The following BTF3 variants were observed in gnomAD, a reference collection of about 807,000 sequenced individuals.
BTF3 encodes the protein basic transcription factor 3.
Under a neutral mutation model 23.9 loss-of-function variants are expected in BTF3, and 12 were observed. The ratio of observed to expected loss-of-function variants is 0.50; its 90% CI spans 0.32 to 0.81. BTF3 has a LOEUF of 0.81. BTF3 is among the 40% of genes least tolerant of loss of function. The pLI is 0.03. For missense variants in BTF3, 215 were observed against 255.9 expected (o/e 0.84, Z 1.09); for synonymous variants, 96 against 94.8 (o/e 1.01, Z -0.07).
intron 4 of BTF3, 124 bp downstream of exon 4, chr5:73,503,241 T>C (rs1232877665): frequency 2.0e-6 from 2 of 1,004,164 alleles, no homozygotes; most frequent in Non-Finnish European, 1.5e-6. Context: ...AAATAACAGA[T>C]TTGTAACTGA....
chr5:73,502,357 TAA>T (rs1404036858), intron 2 of BTF3, 129 bp from the exon 3 acceptor site: 1 of 605,252 alleles, frequency 1.7e-6, no homozygotes, highest in Non-Finnish European at 2.7e-6. Context: ...GCTCACTGCA[TAA>T]GTTTATGATT....
At chr5:73,504,764 GAT>G (rs531381719) in intron 5 of BTF3, 2 of 212,240 alleles carry the variant, frequency 9.4e-6, no homozygotes, top group Non-Finnish European at 9.2e-6. Context: ...GGTATCTTGG[GAT>G]ATATATATGC....
intron 5 of BTF3, among the ~76,000 whole-genome samples, 190 bp from the exon 6 acceptor site, chr5:73,505,002 A>G (rs1305946379): frequency 6.7e-6 from 1 of 149,928 alleles, no homozygotes; most frequent in Non-Finnish European, 1.5e-5. Context: ...ACTATTGACC[A>G]ATGTATGAGA....
At chr5:73,503,664 G>A (rs962048444) in intron 4 of BTF3, among the ~76,000 whole-genome samples, 10 of 152,228 alleles carry the variant, frequency 6.6e-5, no homozygotes, top group Admixed American at 5.9e-4. Context: ...GAGGAAGTCA[G>A]AGGCTTATAT....
At chr5:73,505,115 T>G in intron 5 of BTF3, 77 bp from the exon 6 acceptor site, 1 of 1,182,914 alleles carries the variant, frequency 8.5e-7, no homozygotes. Context: ...ATGTCTTTCC[T>G]TCATCCCCTT....
At chr5:73,504,252 G>A in intron 4 of BTF3, 95 bp from the exon 5 acceptor site, 1 of 800,756 alleles carries the variant, frequency 1.2e-6, no homozygotes. Flanking sequence ...AACAACACTT[G>A]GCATTTCATC....
intron 5 of BTF3, 139 bp from the exon 6 acceptor site, chr5:73,505,052 TG>T: frequency 4.4e-5 from 30 of 680,802 alleles, no homozygotes; most frequent in South Asian, 9.4e-5. Flanking sequence ...TTTTTTTTTT[TG>T]CATTCTTGTT....
At chr5:73,498,893 G>T in intron 1 of BTF3, 94 bp downstream of exon 1, 1 of 1,463,648 alleles carries the variant, frequency 6.8e-7, no homozygotes. Context: ...CTGGCCAGGC[G>T]TGGGGTAGAG....
chr5:73,499,789 T>C (rs935001867), intron 2 of BTF3: 2 of 166,630 alleles, frequency 1.2e-5, no homozygotes, highest in African/African-American at 4.8e-5. Flanking sequence ...AATGATCAGT[T>C]TTTGATTAAT....
At chr5:73,501,709 A>G (rs772708188) in intron 2 of BTF3, among the ~76,000 whole-genome samples, 2 of 152,174 alleles carry the variant, frequency 1.3e-5, no homozygotes, top group African/African-American at 4.8e-5. Context: ...CAGGAGTGGC[A>G]TATTAAGGGC....
intron 2 of BTF3, among the ~76,000 whole-genome samples, chr5:73,502,201 G>A (rs1746453776): frequency 6.6e-6 from 1 of 151,350 alleles, no homozygotes; most frequent in Admixed American, 6.6e-5. Flanking sequence ...AATAATTCTG[G>A]ATGTGGAATT....
intron 1 of BTF3, 58 bp from the exon 2 acceptor site, chr5:73,499,076 G>A: frequency 1.3e-6 from 2 of 1,512,270 alleles, no homozygotes; most frequent in South Asian, 2.4e-5. Flanking sequence ...GAAATAACGA[G>A]CATGGAATGC....
rs1746470491 is a variant in BTF3, at chr5:73,502,806, C to CA, written c.316-109dup. 7 of 1,152,160 alleles carry CA rather than the reference C, an allele frequency of 6.1e-6. No homozygotes were observed. The East Asian group carries it at 1.8e-4, about 29-fold the overall frequency. The allele number at this position is 1,152,160 out of a possible 1,614,324, so 71.4% of individuals were successfully genotyped here. A position where few individuals can be genotyped will look rare whatever the true frequency, so the allele number is the denominator to read the frequency against. On this transcript the variant is annotated intron_variant, in intron 3 of 5. Coordinates refer to ENST00000380591, the MANE Select transcript of BTF3 (RefSeq NM_001037637.2). The stretch of plus-strand genomic sequence containing the variant: ...ACATATTCCATTCCAGGCAAAATTT[C>CA]ACCTGTGCTTCACAGTGAAATACTA...
intron 5 of BTF3, 71 bp from the exon 6 acceptor site, chr5:73,505,121 C>T (rs1251033071): frequency 2.5e-6 from 3 of 1,222,068 alleles, no homozygotes; most frequent in African/African-American, 1.5e-5. Context: ...TTCCTTCATC[C>T]CCTTTTAATA....
At chr5:73,499,106 C>G (rs1746370651) in intron 1 of BTF3, 28 bp from the exon 2 acceptor site, 1 of 1,599,576 alleles carries the variant, frequency 6.3e-7, no homozygotes, top group South Asian at 1.1e-5. Context: ...CTAAACCTAT[C>G]CTTGCTGAGG....
In BTF3 at chr5:73,503,095, G is replaced by T. The variant is rs1561254841; in HGVS notation, c.495G>T (p.Leu165=). The T allele has an allele frequency of 1.2e-6, 2 of 1,613,836 alleles. No individual in the cohort carries two copies. Among genetic ancestry groups the T allele is most frequent in the East Asian group, 4.5e-5 (2 of 44,876 alleles). Residue 165 remains leucine, a synonymous_variant, in exon 4 of 6, where the codon CTG becomes CTT. Coordinates refer to ENST00000380591, the MANE Select transcript of BTF3 (RefSeq NM_001037637.2). ...ATAGTCTGACTAGTTTAAGGAGACTGGCCGAAGCTCTGCCCAAACAATGTG... is the reference window on the plus strand; with the variant it reads ...ATAGTCTGACTAGTTTAAGGAGACTTGCCGAAGCTCTGCCCAAACAATGTG... ...GADSLTSLRR[L]AEALPKQSVD... is the part of the protein sequence containing the mutation.
intron 5 of BTF3, chr5:73,504,772 T>C (rs12656893): frequency 0.18 from 38,547 of 219,148 alleles, 6,852 homozygotes; most frequent in East Asian, 0.52. Context: ...GGGATATATA[T>C]ATGCATTCTA....
chr5:73,501,126 A>AT (rs1363946704), intron 2 of BTF3, among the ~76,000 whole-genome samples: 1 of 152,220 alleles, frequency 6.6e-6, no homozygotes, highest in African/African-American at 2.4e-5. Context: ...ACATAGTACA[A>AT]TAGTAGAAGC....
intron 1 of BTF3, 105 bp downstream of exon 1, chr5:73,498,904 C>T (rs1215384151): frequency 6.9e-7 from 1 of 1,447,546 alleles, no homozygotes; most frequent in Non-Finnish European, 9.1e-7. Flanking sequence ...TGGGGTAGAG[C>T]CTTTCATCCG....
Sources: allele counts gnomAD v4.1 joint callset (sites outside exome capture counted in the v4.1 genomes callset), GRCh38; gene constraint gnomAD v4.1.1; transcripts MANE v1.5; gene names NCBI Gene and HGNC (gene_info 2026-07-23, HGNC 2026-07-21).